ZFHX3: variants seen among roughly 807,000 people sequenced by gnomAD.
The protein encoded by ZFHX3 is zinc finger homeobox 3.
In ZFHX3, 42 loss-of-function variants were observed where a neutral mutation model predicts 279.1. The ratio of observed to expected loss-of-function variants is 0.15; its 90% confidence interval spans 0.12 to 0.19. The LOEUF (loss-of-function observed/expected upper bound fraction) is 0.19, where lower values mean the gene tolerates loss of function less well. Ranked by LOEUF, ZFHX3 falls within the 10% of genes least tolerant of loss-of-function variation. The probability of loss-of-function intolerance (pLI) is 1.00; values close to 1 mark genes in which losing one functional copy is unlikely to be tolerated. For missense variants in ZFHX3, 4,981 were observed against 4,754.0 expected (o/e 1.05, Z -1.40); for synonymous variants, 2,293 against 1,957.8 (o/e 1.17, Z -4.52).
At chr16:72,889,282 A>G (rs1038682856) in intron 4 of ZFHX3, among the ~76,000 whole-genome samples, 9 of 152,166 alleles carry the variant, frequency 5.9e-5, no homozygotes, top group African/African-American at 2.2e-4. Context: ...CTTTGAGGCC[A>G]CAAATTGACT....
intron 1 of ZFHX3, among the ~76,000 whole-genome samples, chr16:73,768,080 A>G (rs1309257520): frequency 2.0e-5 from 3 of 152,204 alleles, no homozygotes; most frequent in Admixed American, 1.3e-4. Flanking sequence ...GCCTTCGGTC[A>G]AAGTGATGCT....
chr16:73,138,783 G>GTTCAAGTGATCCTC (rs1451427708), intron 6 of ZFHX3, among the ~76,000 whole-genome samples: 2 of 152,090 alleles, frequency 1.3e-5, no homozygotes, highest in African/African-American at 4.8e-5. Context: ...GACTGCCCAG[G>GTTCAAGTGATCCTC]CTCAAGTGAT....
intron 3 of ZFHX3, among the ~76,000 whole-genome samples, chr16:72,920,395 C>T (rs1425905611): frequency 6.6e-6 from 1 of 152,082 alleles, no homozygotes; most frequent in East Asian, 1.9e-4. Flanking sequence ...TAAAGAAACA[C>T]ACCAACCAGG....
chr16:73,357,384 A>G (rs1389272469), intron 3 of ZFHX3, among the ~76,000 whole-genome samples: 1 of 152,194 alleles, frequency 6.6e-6, no homozygotes, highest in East Asian at 1.9e-4. Context: ...AGCAATGGTA[A>G]CGTCTTCTGG....
exon 1 of ZFHX3, chr16:73,058,817 G>A (rs1965632188): frequency 6.1e-6 from 1 of 162,692 alleles, no homozygotes; most frequent in Non-Finnish European, 1.3e-5. Flanking sequence ...CGAGCAGCAT[G>A]GTTGGCGGGG....
chr16:72,993,841 C>A (rs754121803), intron 1 of ZFHX3, among the ~76,000 whole-genome samples: 8 of 152,152 alleles, frequency 5.3e-5, no homozygotes, highest in Admixed American at 2.0e-4. Context: ...CTTCAAACTT[C>A]ATTTCCTCTG....
At chr16:73,008,911 C>CGTGTGTGTGTGTGTGTGTGTGTGTGT (rs5817822) in intron 1 of ZFHX3, among the ~76,000 whole-genome samples, 1 of 149,604 alleles carries the variant, frequency 6.7e-6, no homozygotes, top group African/African-American at 2.5e-5. Context: ...AAAGTATATA[C>CGTGTGTGTGTGTGTGTGTGTGTGTGT]GTGTGTGTGT....
chr16:73,546,673 GC>G (rs1344821669), intron 2 of ZFHX3, among the ~76,000 whole-genome samples: 19 of 3,634 alleles, frequency 5.2e-3, no homozygotes, highest in South Asian at 0.014. Flanking sequence ...TGCTGCTGTT[GC>G]TGCTGCTGCT....
chr16:73,445,009 C>A (rs938328381), intron 3 of ZFHX3, among the ~76,000 whole-genome samples: 2 of 147,292 alleles, frequency 1.4e-5, no homozygotes, highest in African/African-American at 2.5e-5. Context: ...GTGACAGGGG[C>A]CTATAGTCCC....
At chr16:73,451,935 GACAA>G (rs1210557094) in intron 3 of ZFHX3, among the ~76,000 whole-genome samples, 14 of 152,102 alleles carry the variant, frequency 9.2e-5, no homozygotes, top group African/African-American at 3.4e-4. Flanking sequence ...AGTTGCCATG[GACAA>G]ACAGACTTAT....
At chr16:73,509,735 GC>G (rs1208886243) in intron 2 of ZFHX3, among the ~76,000 whole-genome samples, 2 of 128,466 alleles carry the variant, frequency 1.6e-5, no homozygotes, top group African/African-American at 6.3e-5. Context: ...TCGCTCTGTT[GC>G]CCAGGCTGGA....
exon 1 of ZFHX3, chr16:73,059,274 G>A (rs1171817369): frequency 6.7e-6 from 1 of 149,366 alleles, no homozygotes; most frequent in African/African-American, 2.5e-5. Flanking sequence ...AGGAAGAGAG[G>A]ATGGGAGAAG....
At chr16:73,417,456 T>G (rs1241526808) in intron 3 of ZFHX3, among the ~76,000 whole-genome samples, 8 of 138,684 alleles carry the variant, frequency 5.8e-5, no homozygotes, top group Non-Finnish European at 1.1e-4. Context: ...GTCTTCAAAC[T>G]CCTGGGCTCA....
chr16:73,092,951 T>C, intron 8 of ZFHX3: 1 of 520,080 alleles, frequency 1.9e-6, no homozygotes, highest in South Asian at 1.4e-5. Flanking sequence ...CCAACCTGTA[T>C]CCCTTCGTTT....
At chr16:73,653,117 G>C (rs917337521) in intron 2 of ZFHX3, among the ~76,000 whole-genome samples, 14 of 152,102 alleles carry the variant, frequency 9.2e-5, no homozygotes, top group South Asian at 2.1e-4. Flanking sequence ...AAAAAGTATT[G>C]ACAAAGAATG....
At chr16:73,156,403 A>G (rs1453818093) in intron 5 of ZFHX3, among the ~76,000 whole-genome samples, 1 of 152,076 alleles carries the variant, frequency 6.6e-6, no homozygotes, top group East Asian at 1.9e-4. Flanking sequence ...CATTACAGAC[A>G]ATGGGGTAGA....
Position 72,786,612 on chromosome 16 carries a change from AATAATAT to A in ZFHX3, c.*545_*551del, listed in dbSNP as rs1170936840. ...AAAAAAAAAAAAAAACTGAAAAAACAATAATATATAAAACAATGATTCTGAAAACAAA... is the reference window on the plus strand; with the variant it reads ...AAAAAAAAAAAAAAACTGAAAAAACAATAAAACAATGATTCTGAAAACAAA... On this transcript the variant is annotated 3_prime_UTR_variant, in exon 10 of 10. Transcript: ENST00000268489. The A allele has an allele frequency of 1.3e-5, 2 of 151,904 alleles. No homozygotes were observed. Among genetic ancestry groups the A allele is most frequent in the African/African-American group, 4.8e-5 (2 of 41,378 alleles). 9.4% of individuals were successfully genotyped at this position (151,904 alleles called of 1,614,324 possible).
intron 3 of ZFHX3, among the ~76,000 whole-genome samples, chr16:73,325,959 G>A (rs968077951): frequency 8.4e-6 from 1 of 118,362 alleles, no homozygotes; most frequent in Admixed American, 7.9e-5. Context: ...ACAGGGGAGA[G>A]TATACTGAGG....
At chr16:73,816,109 C>T (rs575008959) in intron 1 of ZFHX3, 18 of 152,244 alleles carry the variant, frequency 1.2e-4, no homozygotes, top group Middle Eastern at 3.4e-3. Context: ...CACAAAAATA[C>T]CCCACTATTT....
Sources: allele counts gnomAD v4.1 joint callset (sites outside exome capture counted in the v4.1 genomes callset), GRCh38; gene constraint gnomAD v4.1.1; transcripts MANE v1.5; gene names NCBI Gene and HGNC (gene_info 2026-07-23, HGNC 2026-07-21).